The following CSMD3 variants were observed in gnomAD, a reference collection of about 807,000 sequenced individuals.
CSMD3 encodes the protein CUB and Sushi multiple domains 3.
CSMD3 carries 177 observed loss-of-function variants against 435.2 expected under a neutral mutation model. The observed-to-expected ratio is 0.41, with a 90% CI of 0.36 to 0.46. The LOEUF (loss-of-function observed/expected upper bound fraction) is 0.46. CSMD3 is among the 20% of genes least tolerant of loss of function. The probability of loss-of-function intolerance (pLI) is 0.34; values close to 1 mark genes in which losing one functional copy is unlikely to be tolerated. For missense variants in CSMD3, 4,265 were observed against 4,504.6 expected (o/e 0.95, Z 1.52); for synonymous variants, 1,656 against 1,520.5 (o/e 1.09, Z -2.07).
rs1453491017 is a variant in CSMD3 at position 113,085,101 on chromosome 8, AAAC to A, written c.917+13652_917+13654del. Among the ~76,000 whole-genome samples, 7 of 152,282 alleles carry A rather than the reference AAAC, an allele frequency of 4.6e-5. No individual in the cohort carries two copies. The East Asian group carries it at 1.3e-3, about 29-fold the overall frequency. ...CAAAATAAACAAATGAGACTCTATT[AAAC>A]TAAAGAGCTTTGGCTAGCAAAGGAA... On this transcript the variant is annotated intron_variant, in intron 5 of 70. Coordinates refer to ENST00000297405, the MANE Select transcript of CSMD3 (RefSeq NM_198123.2).
intron 1 of CSMD3, among the ~76,000 whole-genome samples, chr8:113,362,639 C>G (rs887513818): frequency 6.6e-6 from 1 of 152,140 alleles, no homozygotes; most frequent in African/African-American, 2.4e-5. Context: ...CCACCCTGTT[C>G]CCTTTTCTCA....
At chr8:112,475,574 T>G (rs1248411287) in intron 31 of CSMD3, among the ~76,000 whole-genome samples, 1 of 151,978 alleles carries the variant, frequency 6.6e-6, no homozygotes, top group Non-Finnish European at 1.5e-5. Flanking sequence ...TGCTCTGAGA[T>G]ACACATCTAT....
intron 12 of CSMD3, among the ~76,000 whole-genome samples, chr8:112,818,208 G>A (rs776246319): frequency 1.3e-4 from 19 of 151,716 alleles, no homozygotes; most frequent in African/African-American, 3.4e-4. Flanking sequence ...ATACTTTGAC[G>A]GAATTAGAAA....
At chr8:112,743,426 A>G (rs2077358482) in intron 13 of CSMD3, among the ~76,000 whole-genome samples, 1 of 151,992 alleles carries the variant, frequency 6.6e-6, no homozygotes, top group Admixed American at 6.6e-5. Context: ...AGTCTTAATG[A>G]TGAATCATTC....
At chr8:112,435,987 T>A (rs1814296652) in intron 32 of CSMD3, among the ~76,000 whole-genome samples, 1 of 151,998 alleles carries the variant, frequency 6.6e-6, no homozygotes. Context: ...TTTGTGGCAA[T>A]GCCCTAAATA....
chr8:113,305,659 T>C (rs1274306255), intron 2 of CSMD3, among the ~76,000 whole-genome samples: 1 of 152,246 alleles, frequency 6.6e-6, no homozygotes, highest in African/African-American at 2.4e-5. Context: ...AATAGTTGTG[T>C]ATACTCTGGA....
chr8:112,283,202 T>C (rs1387782473), intron 58 of CSMD3, among the ~76,000 whole-genome samples: 8 of 152,030 alleles, frequency 5.3e-5, no homozygotes, highest in Non-Finnish European at 8.8e-5. Flanking sequence ...AATAAAAGCA[T>C]TGAATCATAT....
At chr8:113,061,943 A>G (rs1323881885) in intron 5 of CSMD3, among the ~76,000 whole-genome samples, 1 of 151,880 alleles carries the variant, frequency 6.6e-6, no homozygotes, top group African/African-American at 2.4e-5. Context: ...TACATAATTC[A>G]TGATACATAG....
intron 9 of CSMD3, among the ~76,000 whole-genome samples, chr8:112,929,875 GT>G (rs1428316764): frequency 2.6e-5 from 4 of 151,968 alleles, no homozygotes; most frequent in African/African-American, 9.7e-5. Context: ...TGACAGAAAT[GT>G]TTTTAAGACA....
chr8:112,281,541 G>A (rs1818643675), intron 58 of CSMD3, among the ~76,000 whole-genome samples, 191 bp from the exon 59 acceptor site: 2 of 152,226 alleles, frequency 1.3e-5, no homozygotes, highest in Admixed American at 1.3e-4. Context: ...TAATTACTGG[G>A]ATGCAAATTA....
At chr8:112,526,369 T>A (rs1824964335) in intron 27 of CSMD3, among the ~76,000 whole-genome samples, 2 of 152,148 alleles carry the variant, frequency 1.3e-5, no homozygotes, top group Middle Eastern at 3.4e-3. Flanking sequence ...TGTTCTTTTA[T>A]TTATTTTTTG....
intron 32 of CSMD3, among the ~76,000 whole-genome samples, chr8:112,461,250 T>C (rs955509884): frequency 2.0e-5 from 3 of 152,156 alleles, no homozygotes; most frequent in African/African-American, 4.8e-5. Context: ...GCCTGTGGCA[T>C]GCTGTGTGCT....
intron 18 of CSMD3, among the ~76,000 whole-genome samples, chr8:112,650,860 A>C (rs375668170): frequency 6.6e-6 from 1 of 151,446 alleles, no homozygotes; most frequent in African/African-American, 2.4e-5. Context: ...AGTACACTTC[A>C]GTGTCTCCTG....
At chr8:113,154,859 C>T (rs1011946219) in intron 4 of CSMD3, among the ~76,000 whole-genome samples, 10 of 151,992 alleles carry the variant, frequency 6.6e-5, no homozygotes, top group African/African-American at 2.4e-4. Flanking sequence ...CCTTCTGCTG[C>T]CATAACTGTT....
chr8:113,071,985 C>T (rs1285337841), intron 5 of CSMD3, among the ~76,000 whole-genome samples: 1 of 151,566 alleles, frequency 6.6e-6, no homozygotes, highest in Non-Finnish European at 1.5e-5. Flanking sequence ...CTTTAATGTC[C>T]TTCATAAACA....
intron 32 of CSMD3, among the ~76,000 whole-genome samples, chr8:112,471,713 A>C (rs776955990): frequency 9.2e-5 from 14 of 152,190 alleles, no homozygotes; most frequent in Non-Finnish European, 2.1e-4. Context: ...TCAAGATGCT[A>C]TTCAGCTATC....
At chr8:112,249,944 C>G (rs1815120071) in intron 63 of CSMD3, among the ~76,000 whole-genome samples, 1 of 151,948 alleles carries the variant, frequency 6.6e-6, no homozygotes, top group South Asian at 2.1e-4. Flanking sequence ...TCCTTGTGCA[C>G]CTTGAGCTTA....
At chr8:112,680,943 TAATC>T (rs1043776800) in intron 16 of CSMD3, among the ~76,000 whole-genome samples, 7 of 151,844 alleles carry the variant, frequency 4.6e-5, no homozygotes, top group South Asian at 2.1e-4. Context: ...GCTTTTAAAA[TAATC>T]AATTATTATA....
intron 59 of CSMD3, among the ~76,000 whole-genome samples, chr8:112,266,764 C>T (rs995114542): frequency 1.3e-5 from 2 of 152,132 alleles, no homozygotes; most frequent in Non-Finnish European, 2.9e-5. Context: ...AAGATTCAAA[C>T]ACTACAAAGA....
Sources: allele counts gnomAD v4.1 joint callset (sites outside exome capture counted in the v4.1 genomes callset), GRCh38; gene constraint gnomAD v4.1.1; transcripts MANE v1.5; gene names NCBI Gene and HGNC (gene_info 2026-07-23, HGNC 2026-07-21).